The following RYR2 variants were observed in gnomAD, a reference collection of about 807,000 sequenced individuals.
RYR2 encodes ryanodine receptor 2, also known as cardiac muscle ryanodine receptor-calcium release channel.
RYR2 carries 227 observed loss-of-function variants against 601.1 expected under a neutral mutation model. The ratio of observed to expected loss-of-function variants is 0.38; its 90% CI spans 0.34 to 0.42. The LOEUF (loss-of-function observed/expected upper bound fraction) is 0.42. RYR2 is among the 10% of genes least tolerant of loss of function. RYR2 has a pLI of 1.00. For missense variants in RYR2, 4,646 were observed against 6,156.5 expected (o/e 0.75, Z 8.21); for synonymous variants, 2,223 against 2,175.1 (o/e 1.02, Z -0.61).
intron 34 of RYR2, among the ~76,000 whole-genome samples, chr1:237,598,294 C>T (rs1338004400): frequency 6.6e-6 from 1 of 152,148 alleles, no homozygotes; most frequent in Non-Finnish European, 1.5e-5. Flanking sequence ...ATTTAAACTG[C>T]ACTCTAGACC....
chr1:237,260,303 G>T (rs1688389067), intron 1 of RYR2, among the ~76,000 whole-genome samples: 2 of 152,272 alleles, frequency 1.3e-5, no homozygotes, highest in Non-Finnish European at 2.9e-5. Context: ...CAAGGAAAAT[G>T]GTTCTGACCC....
intron 16 of RYR2, among the ~76,000 whole-genome samples, chr1:237,465,848 A>T (rs1178772600): frequency 6.6e-6 from 1 of 152,226 alleles, no homozygotes; most frequent in African/African-American, 2.4e-5. Flanking sequence ...GTACATAAGC[A>T]TAGAAAAGGT....
intron 8 of RYR2, among the ~76,000 whole-genome samples, chr1:237,385,434 C>T (rs532765539): frequency 6.6e-6 from 1 of 152,182 alleles, no homozygotes; most frequent in East Asian, 1.9e-4. Context: ...TGTTTATATA[C>T]TGAGGTACAG....
chr1:237,275,563 T>C lies in RYR2; in HGVS notation c.168+4947T>C, dbSNP rs574382135. 2.0e-5 allele frequency among the ~76,000 whole-genome samples: 3 copies of C among 151,818 alleles called. No homozygotes were observed. In the East Asian group the frequency reaches 5.8e-4, roughly 29 times the overall value. On this transcript the variant is annotated intron_variant, in intron 2 of 104. Transcript: ENST00000366574. ...GTAGTTTCATGGCCCCAATAACAGA[T>C]ACAACTTTTACAAAGTAGAAACCTC...
intron 29 of RYR2, among the ~76,000 whole-genome samples, chr1:237,574,965 G>A (rs78583737): frequency 0.021 from 3,206 of 152,248 alleles, 57 homozygotes; most frequent in Middle Eastern, 0.068. Flanking sequence ...TAAGTTTGTG[G>A]TAGTGTGTTC....
At chr1:237,431,340 A>G (rs1034383941) in intron 12 of RYR2, among the ~76,000 whole-genome samples, 2 of 152,310 alleles carry the variant, frequency 1.3e-5, no homozygotes, top group Non-Finnish European at 2.9e-5. Context: ...GAAAAATGTA[A>G]AGGTAGTACA....
chr1:237,126,574 C>G (rs1671454141), intron 1 of RYR2, among the ~76,000 whole-genome samples: 1 of 152,146 alleles, frequency 6.6e-6, no homozygotes, highest in African/African-American at 2.4e-5. Flanking sequence ...TTCCTTCCCT[C>G]TTTCTTCCAC....
At chr1:237,705,127 T>C in intron 66 of RYR2, 86 bp from the exon 67 acceptor site, 1 of 1,198,042 alleles carries the variant, frequency 8.3e-7, no homozygotes, top group Non-Finnish European at 1.2e-6. Context: ...TTATCATTCC[T>C]TTTAGGTTAA....
Position 237,376,785 on chromosome 1 carries a change from C to T in RYR2, c.464-538C>T, listed in dbSNP as rs114481155. Among the ~76,000 whole-genome samples the T allele has an allele frequency of 2.8e-3, 433 of 152,182 alleles. 3 individuals carry two copies. Among genetic ancestry groups the T allele is most frequent in the African/African-American group, 0.01 (422 of 41,514 alleles). Reference sequence around the variant, plus strand: ...ATGTTACCTTTAGATTAATAGAAAACACCACATTTTAAAATAATAAAGTAG... The same window carrying T: ...ATGTTACCTTTAGATTAATAGAAAATACCACATTTTAAAATAATAAAGTAG... On this transcript the variant is annotated intron_variant, in intron 7 of 104. Coordinates refer to ENST00000366574, the MANE Select transcript of RYR2 (RefSeq NM_001035.3).
intron 101 of RYR2, 60 bp from the exon 102 acceptor site, chr1:237,828,321 C>T: frequency 8.1e-7 from 1 of 1,240,126 alleles, no homozygotes; most frequent in Non-Finnish European, 1.1e-6. Flanking sequence ...GGGGATTAGC[C>T]AAGGAACTGA....
intron 10 of RYR2, 132 bp from the exon 11 acceptor site, chr1:237,416,917 A>T (rs1321477105): frequency 1.4e-6 from 1 of 739,132 alleles, no homozygotes; most frequent in East Asian, 2.7e-5. Flanking sequence ...GTCTCCTGCC[A>T]AAAAAGTATA....
rs139360253 is a variant in RYR2 at position 237,473,682 on chromosome 1, C to T, written c.1708+4495C>T. On this transcript the variant is annotated intron_variant, in intron 17 of 104. Transcript: ENST00000366574. ...CAACAGCACTTGAGTTCCATGCCATCGACCACCCAGGCTCCTGCCATTTCT... is the reference window on the plus strand; with the variant it reads ...CAACAGCACTTGAGTTCCATGCCATTGACCACCCAGGCTCCTGCCATTTCT... Among the ~76,000 whole-genome samples the T allele has an allele frequency of 1.1e-3, 170 of 152,074 alleles. 1 individual carries two copies. In the East Asian group the frequency reaches 0.018, roughly 16 times the overall value.
chr1:237,390,822 C>G (rs968214964), intron 10 of RYR2, among the ~76,000 whole-genome samples: 1 of 152,134 alleles, frequency 6.6e-6, no homozygotes, highest in Non-Finnish European at 1.5e-5. Context: ...TTCAGTTCAA[C>G]TTATTCTTAG....
chr1:237,057,225 G>A (rs898052936), intron 1 of RYR2, among the ~76,000 whole-genome samples: 6 of 151,962 alleles, frequency 3.9e-5, no homozygotes, highest in South Asian at 2.1e-4. Flanking sequence ...TTGCTATGTC[G>A]CCCAGGCTGG....
At chr1:237,407,816 C>T (rs990119568) in intron 10 of RYR2, among the ~76,000 whole-genome samples, 1 of 151,932 alleles carries the variant, frequency 6.6e-6, no homozygotes, top group African/African-American at 2.4e-5. Context: ...TGGGGTTTCA[C>T]CGTGTTAGCC....
chr1:237,493,780 A>C (rs1469589121), intron 19 of RYR2, among the ~76,000 whole-genome samples: 1 of 152,202 alleles, frequency 6.6e-6, no homozygotes, highest in Non-Finnish European at 1.5e-5. Flanking sequence ...GGTACCTGCT[A>C]TGTGCAATCA....
chr1:237,613,997 C>T (rs774364002), intron 36 of RYR2, 42 bp from the exon 37 acceptor site: 1 of 1,544,442 alleles, frequency 6.5e-7, no homozygotes, highest in Non-Finnish European at 8.8e-7. Flanking sequence ...TTTAAAAAAT[C>T]ATTCATTTCT....
chr1:237,153,556 C>A (rs1231375376), intron 1 of RYR2, among the ~76,000 whole-genome samples: 2 of 150,060 alleles, frequency 1.3e-5, no homozygotes, highest in African/African-American at 4.9e-5. Flanking sequence ...GTTGAGCTGG[C>A]ATGGAACAGT....
Position 237,369,573 on chromosome 1 carries a change from C to T in RYR2, c.349C>T (p.His117Tyr), listed in dbSNP as rs1057524592. 1.3e-6 allele frequency: 2 copies of T among 1,565,356 alleles called. No individual in the cohort carries two copies. The highest frequency in any genetic ancestry group is 1.7e-6 in the Non-Finnish European group (2 of 1,153,062). Residue 117 changes from histidine to tyrosine, a missense_variant, in exon 6 of 105, where the codon CAT (histidine) becomes TAT (tyrosine). Physicochemically the swap from His to Tyr is moderately conservative, Grantham distance 83. This residue lies in a region of RYR2 where 153 missense variants were observed against 203.6 expected (regional missense o/e 0.75). Coordinates refer to ENST00000366574, the MANE Select transcript of RYR2 (RefSeq NM_001035.3). ...TGGTCATCGAACACTCCTCTACGGACATGCCATATTGCTGCGCCATTCCTA... is the reference window on the plus strand; with the variant it reads ...TGGTCATCGAACACTCCTCTACGGATATGCCATATTGCTGCGCCATTCCTA... ...GGGHRTLLYG[H>Y]AILLRHSYSG... is the part of the protein sequence containing the mutation.
Sources: gnomAD v4.1 joint callset for allele counts (sites outside exome capture counted in the v4.1 genomes callset) on GRCh38, gnomAD v4.1.1 for gene constraint, gnomAD v4.1.1 regional missense constraint, MANE v1.5 for transcripts, NCBI Gene and HGNC (gene_info 2026-07-23, HGNC 2026-07-21) for gene names.